The following MAML2 variants were observed in gnomAD, a reference collection of about 807,000 sequenced individuals.
The protein encoded by MAML2 is mastermind-like protein 2.
MAML2 carries 22 observed loss-of-function variants against 96.1 expected under a neutral mutation model. That is an observed-to-expected ratio of 0.23 (90% CI 0.16 to 0.33). The LOEUF (loss-of-function observed/expected upper bound fraction) is 0.33, where lower values mean the gene tolerates loss of function less well. Ranked by LOEUF, MAML2 falls within the 10% of genes least tolerant of loss-of-function variation. The pLI is 1.00. For synonymous variants in MAML2, 561 were observed against 521.3 expected (o/e 1.08, Z -1.04); for missense variants, 1,367 against 1,392.4 (o/e 0.98, Z 0.29).
At chr11:96,109,524 G>A (rs997862971) in intron 1 of MAML2, among the ~76,000 whole-genome samples, 1 of 152,196 alleles carries the variant, frequency 6.6e-6, no homozygotes, top group South Asian at 2.1e-4. Context: ...AGCAGACATG[G>A]AGAGAATGAG....
At chr11:96,242,461 A>G (rs1478221582) in intron 1 of MAML2, among the ~76,000 whole-genome samples, 1 of 152,228 alleles carries the variant, frequency 6.6e-6, no homozygotes, top group Non-Finnish European at 1.5e-5. Context: ...GCTGTAAATA[A>G]ACCAGATTCA....
chr11:96,316,040 G>A (rs1339740584), intron 1 of MAML2, among the ~76,000 whole-genome samples: 4 of 152,176 alleles, frequency 2.6e-5, no homozygotes, highest in Admixed American at 2.6e-4. Flanking sequence ...AGAATGAGGG[G>A]ATCTCTGGTT....
At chr11:96,095,656 C>T (rs918921637) in intron 1 of MAML2, among the ~76,000 whole-genome samples, 3 of 152,160 alleles carry the variant, frequency 2.0e-5, no homozygotes, top group African/African-American at 7.2e-5. Context: ...TAATACCATT[C>T]GGGGGCTTGT....
chr11:96,168,179 T>C (rs1183882095), intron 1 of MAML2, among the ~76,000 whole-genome samples: 5 of 152,204 alleles, frequency 3.3e-5, no homozygotes, highest in Non-Finnish European at 7.3e-5. Context: ...TGCTCCTCCG[T>C]TGAATGAATA....
chr11:96,283,881 C>T lies in MAML2; in HGVS notation c.513+57502G>A, dbSNP rs376443661. 9.9e-5 allele frequency among the ~76,000 whole-genome samples: 15 copies of T among 152,136 alleles called. No individual in the cohort carries two copies. In the East Asian group the frequency reaches 1.5e-3, roughly 16 times the overall value. ...TGGTCTCTAACTTTCTTCTAATGGACGACTTTCTTCTATATACCATATATA... is the reference window on the plus strand; with the variant it reads ...TGGTCTCTAACTTTCTTCTAATGGATGACTTTCTTCTATATACCATATATA... On this transcript the variant is annotated intron_variant, in intron 1 of 4. Transcript: ENST00000524717.
In MAML2 at chr11:96,183,393, TC is replaced by T. The variant is rs1177195850; in HGVS notation, c.514-89877del. 4.9e-3 allele frequency among the ~76,000 whole-genome samples: 403 copies of T among 81,874 alleles called. 4 individuals are homozygous for T. The highest frequency in any genetic ancestry group is 5.8e-3 in the African/African-American group (115 of 19,928). The allele number at this position is 81,874 out of a possible 152,430, so 53.7% of individuals were successfully genotyped here. Reference sequence around the variant, plus strand: ...CTTCCTCCTTCCCTTCCTCCGTTCCTCCCCCCCCCCCCTTTCTTTTGAGACA... The same window carrying T: ...CTTCCTCCTTCCCTTCCTCCGTTCCTCCCCCCCCCCCTTTCTTTTGAGACA... On this transcript the variant is annotated intron_variant, in intron 1 of 4. Transcript: ENST00000524717.
intron 3 of MAML2, among the ~76,000 whole-genome samples, chr11:95,988,172 A>G (rs879792007): frequency 2.6e-5 from 4 of 151,832 alleles, no homozygotes; most frequent in Non-Finnish European, 4.4e-5. Flanking sequence ...AGAAAGAGAG[A>G]GATAAAGAGA....
At chr11:96,262,620 A>C (rs1862766774) in intron 1 of MAML2, among the ~76,000 whole-genome samples, 1 of 152,136 alleles carries the variant, frequency 6.6e-6, no homozygotes, top group Non-Finnish European at 1.5e-5. Context: ...GGCACCCGCC[A>C]CCACGCCTGG....
chr11:96,104,511 C>A (rs10831482), intron 1 of MAML2, among the ~76,000 whole-genome samples: 45,163 of 151,826 alleles, frequency 0.3, 7,363 homozygotes, highest in Middle Eastern at 0.43. Flanking sequence ...CCCCACATTT[C>A]CTAGTAGAGG....
At chr11:96,237,713 G>C (rs1317035151) in intron 1 of MAML2, among the ~76,000 whole-genome samples, 1 of 152,182 alleles carries the variant, frequency 6.6e-6, no homozygotes, top group African/African-American at 2.4e-5. Context: ...TATTGAATCT[G>C]GCTGTGGATA....
chr11:96,277,971 A>T lies in MAML2; in HGVS notation c.513+63412T>A, dbSNP rs536821625. On this transcript the variant is annotated intron_variant, in intron 1 of 4. Transcript: ENST00000524717. ...GCAGTGATTCTCAAGCTAGATACAC[A>T]ACAGAATCATCTGGAGGACTTGTTA... Among the ~76,000 whole-genome samples, 45 of 150,570 alleles carry T rather than the reference A, an allele frequency of 3.0e-4. No homozygotes were observed. The East Asian group carries it at 8.8e-3, about 30-fold the overall frequency.
At chr11:95,996,040 G>A (rs979478677) in intron 2 of MAML2, among the ~76,000 whole-genome samples, 1 of 151,820 alleles carries the variant, frequency 6.6e-6, no homozygotes, top group Non-Finnish European at 1.5e-5. Flanking sequence ...TCCTGCACAT[G>A]TACCCGGGAA....
At chr11:96,000,014 C>A (rs1858056963) in intron 2 of MAML2, among the ~76,000 whole-genome samples, 2 of 152,170 alleles carry the variant, frequency 1.3e-5, no homozygotes, top group Admixed American at 1.3e-4. Context: ...ATCTCTGTGA[C>A]TGAAAAACAA....
intron 1 of MAML2, among the ~76,000 whole-genome samples, chr11:96,338,955 T>C (rs1443541479): frequency 1.3e-5 from 2 of 152,174 alleles, no homozygotes; most frequent in Non-Finnish European, 2.9e-5. Flanking sequence ...TTGGACACAA[T>C]GTTATCAGGT....
intron 1 of MAML2, among the ~76,000 whole-genome samples, chr11:96,169,036 C>T (rs1389589736): frequency 6.6e-6 from 1 of 152,120 alleles, no homozygotes; most frequent in Admixed American, 6.5e-5. Flanking sequence ...TTTTAGCAGG[C>T]CACTTTGCTT....
intron 2 of MAML2, among the ~76,000 whole-genome samples, chr11:96,047,451 G>C (rs753554189): frequency 2.0e-5 from 3 of 152,066 alleles, no homozygotes; most frequent in Non-Finnish European, 2.9e-5. Context: ...TACTTTACAG[G>C]TATGCTTTGA....
At chr11:96,211,244 C>T (rs993364954) in intron 1 of MAML2, among the ~76,000 whole-genome samples, 1 of 152,078 alleles carries the variant, frequency 6.6e-6, no homozygotes, top group Non-Finnish European at 1.5e-5. Context: ...TATGAAGACA[C>T]TCTTTGTTAA....
rs1857662973 is a variant in MAML2 at position 95,977,187 on chromosome 11, C to A, written c.*1761G>T. ...TTAGCATACAAAAGGTAGCAATTTA[C>A]TTTTTGTATAAAATATAACCTTTTG... On this transcript the variant is annotated 3_prime_UTR_variant, in exon 5 of 5. Transcript: ENST00000524717. The A allele has an allele frequency of 5.3e-6, 1 of 189,366 alleles. No homozygotes were observed. The highest frequency in any genetic ancestry group is 1.1e-5 in the Non-Finnish European group (1 of 90,222). 11.7% of individuals were successfully genotyped at this position (189,366 alleles called of 1,614,324 possible).
At chr11:96,300,223 C>G (rs752820593) in intron 1 of MAML2, among the ~76,000 whole-genome samples, 2 of 152,022 alleles carry the variant, frequency 1.3e-5, no homozygotes, top group Non-Finnish European at 2.9e-5. Context: ...GCTAATGAAA[C>G]TGGGATGTCA....
Sources: allele counts gnomAD v4.1 joint callset (sites outside exome capture counted in the v4.1 genomes callset), GRCh38; gene constraint gnomAD v4.1.1; transcripts MANE v1.5; gene names NCBI Gene and HGNC (gene_info 2026-07-23, HGNC 2026-07-21).